FTO: variants seen among roughly 807,000 people sequenced by gnomAD.
The protein encoded by FTO is FTO alpha-ketoglutarate dependent dioxygenase.
A neutral mutation model predicts 63.9 loss-of-function variants in FTO; 47 were observed. The observed-to-expected ratio is 0.74, with a 90% CI of 0.58 to 0.94. FTO has a LOEUF of 0.94. Among genes scored for constraint, FTO ranks in the 40% least tolerant of loss-of-function variants. The pLI, the probability that FTO is intolerant of heterozygous loss-of-function variation, is 0.00. For missense variants in FTO, 562 were observed against 618.1 expected (o/e 0.91, Z 0.96); for synonymous variants, 207 against 224.4 (o/e 0.92, Z 0.69).
chr16:53,790,544 C>T (rs1040832970), intron 1 of FTO, among the ~76,000 whole-genome samples: 2 of 145,674 alleles, frequency 1.4e-5, no homozygotes, highest in Admixed American at 6.9e-5. Flanking sequence ...GAGTAAGACC[C>T]CCATCTCTAT....
At chr16:53,916,702 T>C (rs1004124833) in intron 7 of FTO, among the ~76,000 whole-genome samples, 1 of 152,242 alleles carries the variant, frequency 6.6e-6, no homozygotes, top group African/African-American at 2.4e-5. Context: ...CTTAAGGACT[T>C]GTGTGATCTT....
chr16:54,083,041 A>G (rs2086184226), intron 8 of FTO, among the ~76,000 whole-genome samples: 1 of 152,202 alleles, frequency 6.6e-6, no homozygotes, highest in Non-Finnish European at 1.5e-5. Context: ...ATTTTTATTA[A>G]GGGTTTTATT....
At chr16:53,910,017 A>G (rs1026768802) in intron 7 of FTO, among the ~76,000 whole-genome samples, 1 of 151,884 alleles carries the variant, frequency 6.6e-6, no homozygotes, top group African/African-American at 2.4e-5. Context: ...AGCTGGAAGT[A>G]TAGCTCTACC....
intron 7 of FTO, among the ~76,000 whole-genome samples, chr16:53,931,243 T>C (rs553230673): frequency 6.6e-6 from 1 of 152,184 alleles, no homozygotes; most frequent in East Asian, 1.9e-4. Flanking sequence ...TTTGATGCAT[T>C]TTTGCATTTT....
At chr16:54,042,129 CCGGTCTACAGCT>C (rs1222998683) in intron 8 of FTO, among the ~76,000 whole-genome samples, 1 of 151,970 alleles carries the variant, frequency 6.6e-6, no homozygotes, top group Non-Finnish European at 1.5e-5. Context: ...AGGAACAGCT[CCGGTCTACAGCT>C]CCCAGCGTGA....
intron 3 of FTO, among the ~76,000 whole-genome samples, chr16:53,838,299 G>C (rs772131630): frequency 8.5e-5 from 13 of 152,152 alleles, no homozygotes; most frequent in South Asian, 2.1e-4. Flanking sequence ...AACAGAGGAA[G>C]TAATCACAAG....
chr16:53,924,698 G>A (rs2082096151), intron 7 of FTO, among the ~76,000 whole-genome samples: 2 of 152,178 alleles, frequency 1.3e-5, no homozygotes, highest in Admixed American at 6.5e-5. Context: ...TCTCTTAGCC[G>A]AGGTCATCCA....
chr16:53,958,037 G>T (rs753574821), intron 8 of FTO, among the ~76,000 whole-genome samples: 2 of 152,174 alleles, frequency 1.3e-5, no homozygotes, highest in Non-Finnish European at 2.9e-5. Flanking sequence ...ATAGTAGTGT[G>T]GTTTCATCTA....
At chr16:53,988,925 C>T (rs74019308) in intron 8 of FTO, among the ~76,000 whole-genome samples, 1,742 of 151,990 alleles carry the variant, frequency 0.011, 37 homozygotes, top group African/African-American at 0.04. Flanking sequence ...ATGCTTCTGC[C>T]GCCTCCCTCT....
intron 7 of FTO, among the ~76,000 whole-genome samples, chr16:53,917,743 T>TGC (rs56073685): frequency 1.4e-5 from 2 of 147,592 alleles, no homozygotes; most frequent in Admixed American, 1.4e-4. Context: ...TGTGTGTGTG[T>TGC]CCATCTGTCC....
intron 8 of FTO, among the ~76,000 whole-genome samples, chr16:53,962,564 G>A (rs911285801): frequency 1.3e-5 from 2 of 152,098 alleles, no homozygotes; most frequent in African/African-American, 4.8e-5. Flanking sequence ...TCATCATTCT[G>A]CCCCCAAATT....
intron 1 of FTO, among the ~76,000 whole-genome samples, chr16:53,761,864 A>G (rs1280283341): frequency 6.6e-6 from 1 of 152,218 alleles, no homozygotes; most frequent in Non-Finnish European, 1.5e-5. Context: ...TGATCAAAGT[A>G]TACTACTCAA....
At chr16:54,111,663 T>C (rs2086891149) in intron 8 of FTO, 99 bp from the exon 9 acceptor site, 2 of 1,278,004 alleles carry the variant, frequency 1.6e-6, no homozygotes, top group Non-Finnish European at 2.3e-6. Context: ...CCGAGGACTG[T>C]CTTTGGAGCA....
chr16:53,719,024 C>T (rs1292050351), intron 1 of FTO, among the ~76,000 whole-genome samples: 1 of 151,992 alleles, frequency 6.6e-6, no homozygotes, highest in Non-Finnish European at 1.5e-5. Context: ...GCATTTTTGG[C>T]TGATGGGGAT....
At chr16:54,101,879 CATT>C (rs1197929978) in intron 8 of FTO, among the ~76,000 whole-genome samples, 1 of 152,140 alleles carries the variant, frequency 6.6e-6, no homozygotes, top group Non-Finnish European at 1.5e-5. Flanking sequence ...GATGATATCT[CATT>C]GTGGTTTTGA....
chr16:53,719,250 CTTCTTTTTTTTTTTTTT>C (rs977646707), intron 1 of FTO, among the ~76,000 whole-genome samples: 11 of 85,980 alleles, frequency 1.3e-4, no homozygotes, highest in Admixed American at 1.4e-4. Flanking sequence ...TTTTCTTCTT[CTTCTTTTTTTTTTTTTT>C]TTTTTTTTGA....
At chr16:54,087,828 T>A (rs1435775962) in intron 8 of FTO, among the ~76,000 whole-genome samples, 1 of 152,064 alleles carries the variant, frequency 6.6e-6, no homozygotes, top group Admixed American at 6.6e-5. Context: ...AAAAACAAGA[T>A]GCAAAGAAAT....
chr16:53,727,659 G>A (rs2076182050), intron 1 of FTO, among the ~76,000 whole-genome samples: 1 of 152,196 alleles, frequency 6.6e-6, no homozygotes, highest in African/African-American at 2.4e-5. Flanking sequence ...TGTATGGAAA[G>A]TGTTGGTTTG....
intron 4 of FTO, among the ~76,000 whole-genome samples, chr16:53,858,072 A>G (rs2080060213): frequency 6.6e-6 from 1 of 152,166 alleles, no homozygotes; most frequent in Non-Finnish European, 1.5e-5. Flanking sequence ...ATTACTAAGT[A>G]TAAAAAAAAA....
Sources: allele counts gnomAD v4.1 joint callset (sites outside exome capture counted in the v4.1 genomes callset), GRCh38; gene constraint gnomAD v4.1.1; transcripts MANE v1.5; gene names NCBI Gene and HGNC (gene_info 2026-07-23, HGNC 2026-07-21).